Variants in KDM4C observed in about 807,000 individuals in gnomAD.
KDM4C encodes the protein lysine-specific demethylase 4C.
KDM4C carries 81 observed loss-of-function variants against 129.3 expected under a neutral mutation model. The observed-to-expected ratio is 0.63, with a 90% CI of 0.52 to 0.75. KDM4C has a LOEUF of 0.75. KDM4C is among the 30% of genes least tolerant of loss of function. KDM4C has a pLI of 0.00. For synonymous variants in KDM4C, 573 were observed against 456.1 expected, an observed-to-expected ratio of 1.26 and a Z score of -3.26; for missense variants, 1,457 against 1,304.0, an observed-to-expected ratio of 1.12 and a Z score of -1.81.
At chr9:7,148,802 A>C (rs1469293437) in intron 19 of KDM4C, among the ~76,000 whole-genome samples, 2 of 152,188 alleles carry the variant, frequency 1.3e-5, no homozygotes, top group Non-Finnish European at 2.9e-5. Flanking sequence ...GGAGTGTCTG[A>C]GTCCAGCTGA....
At chr9:6,919,975 T>C (rs1233352481) in intron 8 of KDM4C, among the ~76,000 whole-genome samples, 1 of 152,182 alleles carries the variant, frequency 6.6e-6, no homozygotes, top group African/African-American at 2.4e-5. Flanking sequence ...CATTGTGGAA[T>C]TGCCTGACAA....
chr9:6,859,864 C>CAA (rs34669716), intron 5 of KDM4C, among the ~76,000 whole-genome samples: 9 of 85,284 alleles, frequency 1.1e-4, no homozygotes, highest in African/African-American at 2.0e-4. Flanking sequence ...GACTCCGTCT[C>CAA]AAAAAAAAAA....
intron 1 of KDM4C, among the ~76,000 whole-genome samples, chr9:6,789,332 C>T (rs1424402729): frequency 6.6e-5 from 10 of 151,208 alleles, no homozygotes; most frequent in East Asian, 5.8e-4. Flanking sequence ...GCAATTCTCC[C>T]GCCTCAGCCT....
At position 7,027,217 on chromosome 9, in the gene KDM4C, A is replaced by G. The variant is rs534463503; in HGVS notation, c.2259+11288A>G. Among the ~76,000 whole-genome samples, 5 of 152,128 alleles carry G rather than the reference A, an allele frequency of 3.3e-5. No individual in the cohort carries two copies. In the East Asian group the frequency reaches 7.8e-4, roughly 24 times the overall value. ...GTCTTCCAAGCCTAGGCTGGTTTTT[A>G]CCCATTCTCCTTGGGAAGGCTTTCC... On this transcript the variant is annotated intron_variant, in intron 15 of 21. Transcript: ENST00000381309.
chr9:6,768,470 C>A (rs572699302), intron 1 of KDM4C, among the ~76,000 whole-genome samples: 7 of 151,954 alleles, frequency 4.6e-5, no homozygotes, highest in African/African-American at 1.7e-4. Context: ...CTCAGTAACT[C>A]AATGTGTATT....
At chr9:7,130,563 A>G (rs1840511408) in intron 19 of KDM4C, among the ~76,000 whole-genome samples, 1 of 152,194 alleles carries the variant, frequency 6.6e-6, no homozygotes, top group Admixed American at 6.5e-5. Flanking sequence ...TGAGAATGAA[A>G]AAGCAAAACT....
In KDM4C at chr9:7,174,550, T is replaced by C. The variant is rs886985738; in HGVS notation, c.2995-3T>C. 6.2e-7 allele frequency: 1 copy of C among 1,613,946 alleles called. No individual in the cohort carries two copies. Among genetic ancestry groups the C allele is most frequent in the Non-Finnish European group, 8.5e-7 (1 of 1,179,806 alleles). On this transcript the variant is annotated splice_polypyrimidine_tract_variant and splice_region_variant and intron_variant, in intron 21 of 21. Transcript: ENST00000381309. ...TTTGCAATATAACACCAGCTGCTTTTAGTCCACAGCCTCTGACATGCGATT... is the reference window on the plus strand; with the variant it reads ...TTTGCAATATAACACCAGCTGCTTTCAGTCCACAGCCTCTGACATGCGATT...
chr9:6,803,013 T>G (rs1442411951), intron 2 of KDM4C, among the ~76,000 whole-genome samples: 1 of 152,172 alleles, frequency 6.6e-6, no homozygotes, highest in Non-Finnish European at 1.5e-5. Flanking sequence ...AAAACTGGTG[T>G]ATAGGTATGC....
chr9:7,103,119 T>A (rs1837290209), intron 17 of KDM4C, among the ~76,000 whole-genome samples: 1 of 152,202 alleles, frequency 6.6e-6, no homozygotes, highest in Admixed American at 6.5e-5. Context: ...TTTTTGTCAG[T>A]CATGAAGGGT....
At chr9:7,058,221 A>C (rs1471336665) in intron 17 of KDM4C, among the ~76,000 whole-genome samples, 1 of 152,164 alleles carries the variant, frequency 6.6e-6, no homozygotes, top group African/African-American at 2.4e-5. Flanking sequence ...GGGATAAATC[A>C]CTGTTTGGAA....
intron 5 of KDM4C, among the ~76,000 whole-genome samples, chr9:6,867,272 T>C (rs1842188657): frequency 6.6e-6 from 1 of 152,058 alleles, no homozygotes; most frequent in African/African-American, 2.4e-5. Context: ...CCTCGGCCTC[T>C]GAAAGTGCTG....
intron 19 of KDM4C, among the ~76,000 whole-genome samples, chr9:7,156,456 A>G (rs1354539053): frequency 2.0e-5 from 3 of 152,154 alleles, no homozygotes; most frequent in African/African-American, 7.2e-5. Context: ...GGTATTGCCT[A>G]GGTTTTCTTC....
At chr9:7,150,501 C>G (rs1483500478) in intron 19 of KDM4C, among the ~76,000 whole-genome samples, 1 of 152,166 alleles carries the variant, frequency 6.6e-6, no homozygotes, top group Non-Finnish European at 1.5e-5. Context: ...GGATCTGAAT[C>G]CTTGGAGAGA....
At chr9:7,127,242 ATTTACATACTGATGAAATTG>A (rs1840120619) in intron 18 of KDM4C, among the ~76,000 whole-genome samples, 1 of 152,250 alleles carries the variant, frequency 6.6e-6, no homozygotes, top group Non-Finnish European at 1.5e-5. Context: ...GGAACAGGAC[ATTTACATACTGATGAAATTG>A]TCTTTCACAG....
rs1395465644 is a variant in KDM4C at position 6,986,494 on chromosome 9, C to T, written c.1505C>T (p.Pro502Leu). 1 of 1,614,086 alleles carries T rather than the reference C, an allele frequency of 6.2e-7. No homozygotes were observed. The highest frequency in any genetic ancestry group is 1.7e-5 in the Admixed American group (1 of 60,008). Residue 502 changes from proline to leucine, a missense_variant, in exon 11 of 22, where the codon CCA becomes CTA. Transcript: ENST00000381309. ...SGYEKPEKSD[P>L]SELSWPKSPE... ...TATGAGAAGCCCGAGAAATCAGACC[C>T]ATCCGAGCTTTCATGGCCAAAGTCA...
At chr9:6,829,622 C>T (rs965236942) in intron 4 of KDM4C, among the ~76,000 whole-genome samples, 1 of 152,186 alleles carries the variant, frequency 6.6e-6, no homozygotes, top group African/African-American at 2.4e-5. Context: ...AGCTGGGAGA[C>T]CCCCCTTTCC....
In KDM4C at chr9:7,103,867, C is replaced by T. The variant is rs762709693; in HGVS notation, c.2607C>T (p.Asn869=). The T allele has an allele frequency of 1.9e-5, 30 of 1,613,626 alleles. No individual in the cohort carries two copies. In the South Asian group the frequency reaches 2.1e-4, roughly 11 times the overall value. ...ITCFRHKVNP[N]VKSKACEKVI... is the part of the protein sequence containing the mutation. ...GCTTTCGACATAAGGTCAACCCCAA[C>T]GTGGTAAGATGTGCCCTCCCTTCCT... Residue 869 remains asparagine (N), a synonymous_variant, in exon 18 of 22, where the codon AAC becomes AAT. Coordinates refer to ENST00000381309, the MANE Select transcript of KDM4C (RefSeq NM_015061.6).
At chr9:6,903,675 G>A (rs6477123) in intron 8 of KDM4C, among the ~76,000 whole-genome samples, 67,006 of 152,016 alleles carry the variant, frequency 0.44, 15,356 homozygotes, top group Middle Eastern at 0.6. Context: ...TCCATACACT[G>A]TAATTTTTAA....
chr9:6,902,404 C>T (rs12375929), intron 8 of KDM4C, among the ~76,000 whole-genome samples: 56,923 of 151,964 alleles, frequency 0.37, 11,607 homozygotes, highest in Middle Eastern at 0.56. Context: ...TGATGGCTGT[C>T]AGGAGTGCAC....
Sources: allele counts gnomAD v4.1 joint callset (sites outside exome capture counted in the v4.1 genomes callset), GRCh38; gene constraint gnomAD v4.1.1; transcripts MANE v1.5; gene names NCBI Gene and HGNC (gene_info 2026-07-23, HGNC 2026-07-21).